POSTN: variants seen among roughly 807,000 people sequenced by gnomAD.
The protein encoded by POSTN is osteoblast specific factor 2 (fasciclin I-like).
A neutral mutation model predicts 104.5 loss-of-function variants in POSTN; 71 were observed. The observed-to-expected ratio is 0.68, with a 90% CI of 0.56 to 0.83. POSTN has a LOEUF of 0.83. Among genes scored for constraint, POSTN ranks in the 40% least tolerant of loss-of-function variants. POSTN has a pLI of 0.00. For missense variants in POSTN, 949 were observed against 1,006.8 expected, an observed-to-expected ratio of 0.94 and a Z score of 0.78; for synonymous variants, 355 against 340.7, an observed-to-expected ratio of 1.04 and a Z score of -0.46.
chr13:37,587,593 C>G (rs1176052989), intron 5 of POSTN, among the ~76,000 whole-genome samples: 1 of 152,132 alleles, frequency 6.6e-6, no homozygotes, highest in Non-Finnish European at 1.5e-5. Flanking sequence ...GAATACCTGT[C>G]TACTGTCAAT....
rs1566542680 is a variant in POSTN, at chr13:37,569,279, AGTT to A, written c.2431+18_2431+20del. On this transcript the variant is annotated intron_variant, in intron 21 of 22. Transcript: ENST00000379747. ...GTCACTAGAACCTGTTAAGGGGGTT[AGTT>A]GTTGTCCTTTTACTAACCTCCCTGA... 5 of 1,562,752 alleles carry A rather than the reference AGTT, an allele frequency of 3.2e-6. No individual in the cohort carries two copies. Among genetic ancestry groups the A allele is most frequent in the African/African-American group, 2.7e-5 (2 of 73,652 alleles).
chr13:37,578,854 A>G lies in POSTN; in HGVS notation c.1952T>C (p.Ile651Thr). The change falls in exon 15 of 23, where the codon ATC (isoleucine) becomes ACC (threonine). Residue 651 changes from isoleucine to threonine, a missense_variant. By Grantham distance (89) the Ile-to-Thr change is moderately conservative. Coordinates refer to ENST00000379747, the MANE Select transcript of POSTN (RefSeq NM_006475.3). ...AGTAACTTTTAGTACCTTAATTTGG[A>G]TGTATTTGATTAATTTATTAAGTAT... Reference protein sequence around the residue: ...LEILNKLIKYIQIKFVRGSTF... With the variant: ...LEILNKLIKYTQIKFVRGSTF... 6.6e-7 allele frequency: 1 copy of G among 1,526,194 alleles called. No homozygotes were observed. Among genetic ancestry groups the G allele is most frequent in the Non-Finnish European group, 8.9e-7 (1 of 1,121,596 alleles). 94.5% of individuals were successfully genotyped at this position (1,526,194 alleles called of 1,614,324 possible).
intron 14 of POSTN, 21 bp downstream of exon 14, chr13:37,578,998 A>G (rs767594189): frequency 1.2e-6 from 2 of 1,607,634 alleles, no homozygotes; most frequent in South Asian, 1.1e-5. Context: ...TAGCCTATCA[A>G]TGAGTTCAAT....
chr13:37,597,782 A>C (rs1951126454), intron 1 of POSTN, among the ~76,000 whole-genome samples: 1 of 152,190 alleles, frequency 6.6e-6, no homozygotes, highest in South Asian at 2.1e-4. Flanking sequence ...AAATGTGCTA[A>C]AATTAACTTT....
chr13:37,594,502 T>C (rs1163510560), intron 2 of POSTN, among the ~76,000 whole-genome samples: 1 of 124,966 alleles, frequency 8.0e-6, no homozygotes, highest in African/African-American at 3.0e-5. Flanking sequence ...TGTTCCCATA[T>C]GGTCAGTAGG....
chr13:37,596,884 G>A (rs1439554280), intron 2 of POSTN, among the ~76,000 whole-genome samples: 1 of 152,114 alleles, frequency 6.6e-6, no homozygotes. Flanking sequence ...GGCCAAACCA[G>A]GAGTAGAAAC....
chr13:37,582,313 C>T, intron 10 of POSTN, 53 bp downstream of exon 10: 1 of 1,526,168 alleles, frequency 6.6e-7, no homozygotes. Context: ...ATTGAAACAG[C>T]ATTATTTGAC....
chr13:37,564,743 C>G (rs1255002252), intron 21 of POSTN, 183 bp from the exon 22 acceptor site: 1 of 426,836 alleles, frequency 2.3e-6, no homozygotes, highest in African/African-American at 2.0e-5. Flanking sequence ...GACAAGTAGA[C>G]AGACAGTGTT....
In POSTN at chr13:37,584,800, C is replaced by A. The variant is rs200335682; in HGVS notation, c.1024G>T (p.Gly342Ter). The change falls in exon 8 of 23, where the codon GGA (glycine) becomes TGA (stop). Residue 342 changes from glycine (G) to a stop codon, truncating the protein, a stop_gained. Transcript: ENST00000379747. LOFTEE classifies it high-confidence loss of function. ...GCDGDSITVNGIKMVNKKDIV... is the reference protein window; with the variant it reads ...GCDGDSITVN ...TCCTTTTTGTTCACCATTTTGATTCCATTTACTGTTATACTGTCACCGTCA... is the reference window on the plus strand; with the variant it reads ...TCCTTTTTGTTCACCATTTTGATTCAATTTACTGTTATACTGTCACCGTCA... 62 of 1,613,752 alleles carry A rather than the reference C, an allele frequency of 3.8e-5. No individual in the cohort carries two copies. The highest frequency in any genetic ancestry group is 5.2e-5 in the Non-Finnish European group (61 of 1,179,888).
chr13:37,597,515 A>T (rs1041706061), intron 1 of POSTN, among the ~76,000 whole-genome samples: 3 of 152,154 alleles, frequency 2.0e-5, no homozygotes, highest in African/African-American at 7.2e-5. Context: ...CTGAGAGTAA[A>T]ATACAAGCTT....
At chr13:37,592,271 T>TA in intron 2 of POSTN, 107 bp from the exon 3 acceptor site, 2 of 717,048 alleles carry the variant, frequency 2.8e-6, no homozygotes, top group Non-Finnish European at 4.4e-6. Flanking sequence ...GTTGAGGTTC[T>TA]AAAAATCAGG....
At chr13:37,566,296 C>T (rs1950097889) in intron 21 of POSTN, among the ~76,000 whole-genome samples, 1 of 152,138 alleles carries the variant, frequency 6.6e-6, no homozygotes, top group Non-Finnish European at 1.5e-5. Flanking sequence ...TTTCCTAAAG[C>T]ATGCAAAGTA....
chr13:37,563,868 C>T (rs1023868622), intron 22 of POSTN, among the ~76,000 whole-genome samples: 46 of 151,852 alleles, frequency 3.0e-4, no homozygotes, highest in Admixed American at 1.0e-3. Flanking sequence ...TGTAAGATAA[C>T]TTAAGTGGAG....
chr13:37,567,858 CAG>C (rs1393963176), intron 21 of POSTN, among the ~76,000 whole-genome samples: 1 of 152,078 alleles, frequency 6.6e-6, no homozygotes, highest in Non-Finnish European at 1.5e-5. Flanking sequence ...GCCTCAATAA[CAG>C]GGGCTTATCA....
intron 17 of POSTN, 147 bp from the exon 18 acceptor site, chr13:37,571,605 C>T: frequency 1.8e-6 from 1 of 541,402 alleles, no homozygotes; most frequent in Non-Finnish European, 3.2e-6. Context: ...TAAATATTTC[C>T]CATTGTCTTC....
intron 8 of POSTN, 28 bp downstream of exon 8, chr13:37,584,688 A>C (rs1377369795): frequency 1.3e-6 from 2 of 1,580,368 alleles, no homozygotes; most frequent in Admixed American, 3.4e-5. Flanking sequence ...GTAAAAAAAC[A>C]AAAACAAAAA....
chr13:37,597,567 C>T (rs912370873), intron 1 of POSTN, among the ~76,000 whole-genome samples: 4 of 152,064 alleles, frequency 2.6e-5, no homozygotes, highest in Non-Finnish European at 4.4e-5. Flanking sequence ...ACAGTATGAA[C>T]GTAATTTTAT....
intron 17 of POSTN, among the ~76,000 whole-genome samples, chr13:37,572,132 A>C (rs1950277772): frequency 6.6e-6 from 1 of 151,688 alleles, no homozygotes; most frequent in Admixed American, 6.6e-5. Flanking sequence ...TACCACAGAA[A>C]ATCATTTTGA....
chr13:37,592,058 T>C, intron 3 of POSTN, 42 bp downstream of exon 3: 3 of 1,418,774 alleles, frequency 2.1e-6, no homozygotes, highest in Middle Eastern at 1.8e-4. Flanking sequence ...ACCCTTTCTT[T>C]GCATATAATT....
Sources: allele counts gnomAD v4.1 joint callset (sites outside exome capture counted in the v4.1 genomes callset), GRCh38; gene constraint gnomAD v4.1.1; transcripts MANE v1.5; gene names NCBI Gene and HGNC (gene_info 2026-07-23, HGNC 2026-07-21).